The following LRRC4C variants were observed in gnomAD, a reference collection of about 807,000 sequenced individuals.
LRRC4C encodes leucine rich repeat containing 4C.
A neutral mutation model predicts 33.6 loss-of-function variants in LRRC4C; 5 were observed. The observed-to-expected ratio is 0.15, with a 90% CI of 0.08 to 0.31. The LOEUF is 0.31. Among genes scored for constraint, LRRC4C ranks in the 10% least tolerant of loss-of-function variants. LRRC4C has a pLI of 1.00. For missense variants in LRRC4C, 560 were observed against 796.7 expected, an observed-to-expected ratio of 0.70 and a Z score of 3.58; for synonymous variants, 329 against 302.0, an observed-to-expected ratio of 1.09 and a Z score of -0.93.
intron 1 of LRRC4C, among the ~76,000 whole-genome samples, chr11:41,142,339 C>T (rs1015496506): frequency 2.0e-5 from 3 of 152,154 alleles, no homozygotes; most frequent in African/African-American, 7.2e-5. Flanking sequence ...TTTATAGTAG[C>T]ATCACTTGAA....
At chr11:40,814,478 G>A (rs1025737916) in intron 2 of LRRC4C, among the ~76,000 whole-genome samples, 10 of 152,020 alleles carry the variant, frequency 6.6e-5, no homozygotes, top group Non-Finnish European at 1.5e-5. Context: ...TGCCTGTGAT[G>A]GGAGGGGCTG....
intron 4 of LRRC4C, among the ~76,000 whole-genome samples, chr11:40,300,452 T>G (rs568705764): frequency 6.6e-6 from 1 of 152,348 alleles, no homozygotes; most frequent in Non-Finnish European, 1.5e-5. Context: ...TTAACAGAGT[T>G]AAAGCTTAAC....
intron 6 of LRRC4C, among the ~76,000 whole-genome samples, chr11:40,123,082 T>G (rs1855954129): frequency 6.6e-6 from 1 of 151,896 alleles, no homozygotes; most frequent in Admixed American, 6.6e-5. Flanking sequence ...ACTTTTTCTG[T>G]AAAGGGCCAG....
At chr11:41,074,113 G>A (rs926280285) in intron 1 of LRRC4C, among the ~76,000 whole-genome samples, 4 of 152,076 alleles carry the variant, frequency 2.6e-5, no homozygotes, top group African/African-American at 9.7e-5. Context: ...ATAACAAATA[G>A]TCAAGATTTT....
At chr11:41,149,427 A>G (rs995645545) in intron 1 of LRRC4C, among the ~76,000 whole-genome samples, 5 of 151,118 alleles carry the variant, frequency 3.3e-5, no homozygotes, top group African/African-American at 4.9e-5. Flanking sequence ...GAATGGCGTG[A>G]ACAACCCGGG....
chr11:40,134,134 G>A (rs998167482), intron 6 of LRRC4C, among the ~76,000 whole-genome samples: 1 of 152,206 alleles, frequency 6.6e-6, no homozygotes, highest in Non-Finnish European at 1.5e-5. Context: ...GCACATGCCT[G>A]TAGTCCCAGC....
chr11:41,154,787 G>A (rs151076712), intron 1 of LRRC4C, among the ~76,000 whole-genome samples: 74 of 152,212 alleles, frequency 4.9e-4, no homozygotes, highest in African/African-American at 1.7e-3. Context: ...ATTGGGACTC[G>A]TTTTCTTGTG....
At chr11:41,385,273 A>T (rs765086585) in intron 1 of LRRC4C, among the ~76,000 whole-genome samples, 9 of 151,556 alleles carry the variant, frequency 5.9e-5, no homozygotes, top group Non-Finnish European at 1.2e-4. Flanking sequence ...GAATTAATAT[A>T]AAATGTTCTA....
intron 1 of LRRC4C, among the ~76,000 whole-genome samples, chr11:41,390,612 C>A (rs1953551963): frequency 1.3e-5 from 2 of 151,896 alleles, no homozygotes; most frequent in African/African-American, 4.8e-5. Context: ...CAAACTTTTA[C>A]TCATTCCTTA....
intron 3 of LRRC4C, among the ~76,000 whole-genome samples, chr11:40,448,464 T>G (rs930697598): frequency 6.6e-6 from 1 of 152,024 alleles, no homozygotes; most frequent in South Asian, 2.1e-4. Flanking sequence ...TGTGTTCTCA[T>G]TGTTCAACTC....
intron 1 of LRRC4C, among the ~76,000 whole-genome samples, chr11:41,127,251 TAG>T (rs1419324791): frequency 7.0e-6 from 1 of 143,008 alleles, no homozygotes; most frequent in African/African-American, 2.6e-5. Context: ...AGAAAAAGAC[TAG>T]AGTTTTTTTT....
intron 2 of LRRC4C, among the ~76,000 whole-genome samples, chr11:40,663,363 G>A (rs1591403499): frequency 6.6e-6 from 1 of 152,312 alleles, no homozygotes; most frequent in East Asian, 1.9e-4. Context: ...TTACAGGCGT[G>A]AGCCACCGCA....
intron 3 of LRRC4C, among the ~76,000 whole-genome samples, chr11:40,493,301 C>A (rs1954258258): frequency 6.6e-6 from 1 of 152,054 alleles, no homozygotes; most frequent in Admixed American, 6.6e-5. Context: ...GTAGATCCAG[C>A]TTTGTCTATA....
At chr11:40,725,861 T>C (rs1390393218) in intron 2 of LRRC4C, among the ~76,000 whole-genome samples, 2 of 152,238 alleles carry the variant, frequency 1.3e-5, no homozygotes, top group Admixed American at 1.3e-4. Flanking sequence ...GCAAGCCTAT[T>C]ACATCTTGCC....
chr11:40,163,725 AGTACAGTAGGCAGAATTCTAAGAT>A (rs1420583728), intron 5 of LRRC4C, among the ~76,000 whole-genome samples: 1 of 152,158 alleles, frequency 6.6e-6, no homozygotes, highest in Non-Finnish European at 1.5e-5. Flanking sequence ...TCCCAAGCTA[AGTACAGTAGGCAGAATTCTAAGAT>A]GACCCTGAGC....
At chr11:40,160,215 C>A (rs891196635) in intron 5 of LRRC4C, among the ~76,000 whole-genome samples, 8 of 151,958 alleles carry the variant, frequency 5.3e-5, no homozygotes, top group South Asian at 2.1e-4. Flanking sequence ...CTATGAGTCC[C>A]ACTTTTAAGT....
chr11:41,172,560 T>C (rs1287384047), intron 1 of LRRC4C, among the ~76,000 whole-genome samples: 7 of 152,176 alleles, frequency 4.6e-5, no homozygotes, highest in African/African-American at 1.4e-4. Context: ...TTCTTCCTTT[T>C]ATATGCTCAC....
chr11:40,456,359 A>G (rs904787506), intron 3 of LRRC4C, among the ~76,000 whole-genome samples: 2 of 152,164 alleles, frequency 1.3e-5, no homozygotes, highest in African/African-American at 4.8e-5. Context: ...TTATGACTGT[A>G]ATAAACATTT....
At position 41,266,748 on chromosome 11, in the gene LRRC4C, T is replaced by C. The variant is rs539305268; in HGVS notation, c.-496+192683A>G. 2.0e-5 allele frequency among the ~76,000 whole-genome samples: 3 copies of C among 152,238 alleles called. No individual in the cohort carries two copies. The East Asian group carries it at 5.8e-4, about 29-fold the overall frequency. ...AGCAAAATGCAAATGGTTGGCTTTT[T>C]TGGTGCCAAAATTAGTCTCCCTACC... On this transcript the variant is annotated intron_variant, in intron 1 of 6. Transcript: ENST00000528697.
Sources: gnomAD v4.1 joint callset for allele counts (sites outside exome capture counted in the v4.1 genomes callset) on GRCh38, gnomAD v4.1.1 for gene constraint, MANE v1.5 for transcripts, NCBI Gene and HGNC (gene_info 2026-07-23, HGNC 2026-07-21) for gene names.